Variants in STX8 observed in about 807,000 individuals in gnomAD.
STX8 encodes the protein syntaxin 8, also known as syntaxin-8.
STX8 carries 23 observed loss-of-function variants against 37.5 expected under a neutral mutation model. That is an observed-to-expected ratio of 0.61 (90% CI 0.44 to 0.87). The LOEUF is 0.87. Among genes scored for constraint, STX8 ranks in the 40% least tolerant of loss-of-function variants. The pLI, the probability that STX8 is intolerant of heterozygous loss-of-function variation, is 0.00. For synonymous variants in STX8, 115 were observed against 99.1 expected (o/e 1.16, Z -0.95); for missense variants, 313 against 284.7 (o/e 1.10, Z -0.71).
At chr17:9,331,761 G>A (rs1013450086) in intron 7 of STX8, among the ~76,000 whole-genome samples, 3 of 151,504 alleles carry the variant, frequency 2.0e-5, no homozygotes, top group African/African-American at 4.9e-5. Flanking sequence ...TTTTTCCTCC[G>A]CCTGTTCTCT....
In STX8 at chr17:9,356,064, A is replaced by G. The variant is rs771611883; in HGVS notation, c.643+22488T>C. ...TTTTACAGAGAGAAAGAAAGGAAGT[A>G]GCTGAGGGATGTAAGCCAACTTAAC... On this transcript the variant is annotated intron_variant, in intron 7 of 7. Transcript: ENST00000306357. Among the ~76,000 whole-genome samples the G allele has an allele frequency of 3.9e-5, 6 of 152,196 alleles. No individual in the cohort carries two copies. In the East Asian group the frequency reaches 5.8e-4, roughly 15 times the overall value.
chr17:9,283,305 G>A (rs1270560073), intron 7 of STX8: 1 of 152,174 alleles, frequency 6.6e-6, no homozygotes, highest in East Asian at 1.9e-4. Flanking sequence ...CACTTTAGGA[G>A]GCTGAGGTGG....
chr17:9,339,831 G>C (rs1910279798), intron 7 of STX8, among the ~76,000 whole-genome samples: 1 of 152,176 alleles, frequency 6.6e-6, no homozygotes, highest in South Asian at 2.1e-4. Context: ...GACCGAAAGA[G>C]ACATTATGTA....
chr17:9,514,289 A>C (rs1905106435), intron 4 of STX8, among the ~76,000 whole-genome samples: 4 of 152,206 alleles, frequency 2.6e-5, no homozygotes, highest in African/African-American at 9.6e-5. Context: ...ATAAATATGT[A>C]TAATTATTAT....
At chr17:9,483,501 G>A (rs9893751) in intron 6 of STX8, among the ~76,000 whole-genome samples, 3,733 of 152,216 alleles carry the variant, frequency 0.025, 132 homozygotes, top group African/African-American at 0.083. Context: ...TCCAGGGATC[G>A]GGACTAGGAT....
At chr17:9,432,609 G>T (rs1914021330) in intron 6 of STX8, among the ~76,000 whole-genome samples, 2 of 152,288 alleles carry the variant, frequency 1.3e-5, no homozygotes, top group Admixed American at 1.3e-4. Context: ...TGTGTTTTGG[G>T]AACTTTCACC....
chr17:9,490,720 G>A (rs1489748812), intron 6 of STX8, among the ~76,000 whole-genome samples: 1 of 152,148 alleles, frequency 6.6e-6, no homozygotes, highest in Non-Finnish European at 1.5e-5. Flanking sequence ...TGAAACCTTA[G>A]ATAGAATACT....
At chr17:9,459,896 G>GT (rs764412092) in intron 6 of STX8, among the ~76,000 whole-genome samples, 10 of 152,292 alleles carry the variant, frequency 6.6e-5, no homozygotes, top group Non-Finnish European at 1.0e-4. Context: ...CATCAAATAA[G>GT]TTTTTTTGGC....
chr17:9,519,177 A>G (rs1280912979), intron 4 of STX8, among the ~76,000 whole-genome samples: 1 of 152,120 alleles, frequency 6.6e-6, no homozygotes, highest in African/African-American at 2.4e-5. Context: ...TCTACCCATA[A>G]TATCTCCCTA....
intron 7 of STX8, among the ~76,000 whole-genome samples, chr17:9,285,253 G>A (rs1421484414): frequency 6.6e-6 from 1 of 152,060 alleles, no homozygotes; most frequent in Non-Finnish European, 1.5e-5. Context: ...GGAAGCCTGG[G>A]CTCAGACTCA....
At chr17:9,537,579 A>AG (rs1906109898) in intron 4 of STX8, among the ~76,000 whole-genome samples, 1 of 111,022 alleles carries the variant, frequency 9.0e-6, no homozygotes, top group Non-Finnish European at 2.0e-5. Flanking sequence ...TCCTGGCTCA[A>AG]TCTTTCTGTC....
chr17:9,544,806 T>C (rs978139032), intron 4 of STX8, among the ~76,000 whole-genome samples: 1 of 151,916 alleles, frequency 6.6e-6, no homozygotes. Flanking sequence ...TCCTGACTAA[T>C]ACGGTGAAAC....
Position 9,250,593 on chromosome 17 carries a change from G to C in STX8, c.696C>G (p.Val232=). Residue 232 remains valine (V), a synonymous_variant, in exon 8 of 8, where the codon GTC becomes GTG. Transcript: ENST00000306357. ...TTTACTGCCATCAGTTGGTCGGCCA[G>C]ACTGCAACAACCACGATAGCCACAA... The part of the protein sequence containing the change: ...LLLVAIVVVA[V]WPTN The C allele has an allele frequency of 3.1e-6, 5 of 1,597,396 alleles. No homozygotes were observed. Among genetic ancestry groups the C allele is most frequent in the South Asian group, 1.1e-5 (1 of 88,008 alleles).
intron 6 of STX8, among the ~76,000 whole-genome samples, chr17:9,488,009 A>G (rs536685396): frequency 9.2e-5 from 14 of 152,144 alleles, no homozygotes; most frequent in Non-Finnish European, 2.1e-4. Flanking sequence ...CCACCCCTGG[A>G]GGTTGTGATT....
intron 7 of STX8, among the ~76,000 whole-genome samples, chr17:9,312,393 G>A (rs1597598511): frequency 1.3e-5 from 2 of 151,504 alleles, no homozygotes; most frequent in African/African-American, 4.8e-5. Context: ...TAGAGATGGG[G>A]TTTCTCCACG....
At chr17:9,412,987 C>A (rs966321516) in intron 6 of STX8, among the ~76,000 whole-genome samples, 4 of 152,124 alleles carry the variant, frequency 2.6e-5, no homozygotes, top group African/African-American at 4.8e-5. Context: ...ACAAAGGGTG[C>A]CTATTTAATA....
chr17:9,264,344 G>A (rs577474356), intron 7 of STX8, among the ~76,000 whole-genome samples: 51 of 152,264 alleles, frequency 3.3e-4, no homozygotes, highest in African/African-American at 1.0e-3. Context: ...TTACTCTGTC[G>A]CCCAGGCTGG....
intron 2 of STX8, among the ~76,000 whole-genome samples, chr17:9,558,706 C>G (rs1251430654): frequency 6.6e-6 from 1 of 152,076 alleles, no homozygotes; most frequent in African/African-American, 2.4e-5. Context: ...GCCTGTAGTC[C>G]CAGCTACGCG....
At chr17:9,302,466 A>G (rs1908821912) in intron 7 of STX8, among the ~76,000 whole-genome samples, 1 of 152,148 alleles carries the variant, frequency 6.6e-6, no homozygotes, top group Non-Finnish European at 1.5e-5. Context: ...TGGTATCCTT[A>G]AGTTACCTAT....
Sources: gnomAD v4.1 joint callset for allele counts (sites outside exome capture counted in the v4.1 genomes callset) on GRCh38, gnomAD v4.1.1 for gene constraint, MANE v1.5 for transcripts, NCBI Gene and HGNC (gene_info 2026-07-23, HGNC 2026-07-21) for gene names.